The following COG2 variants were observed in gnomAD, a reference collection of about 807,000 sequenced individuals.
COG2 encodes the protein conserved oligomeric Golgi complex subunit 2.
COG2 carries 52 observed loss-of-function variants against 90.6 expected under a neutral mutation model. The ratio of observed to expected loss-of-function variants is 0.57; its 90% CI spans 0.46 to 0.72. COG2 has a LOEUF of 0.72. COG2 is among the 30% of genes least tolerant of loss of function. The probability of loss-of-function intolerance (pLI) is 0.00; values close to 1 mark genes in which losing one functional copy is unlikely to be tolerated. For synonymous variants in COG2, 337 were observed against 320.4 expected, an observed-to-expected ratio of 1.05 and a Z score of -0.55; for missense variants, 829 against 891.2, an observed-to-expected ratio of 0.93 and a Z score of 0.89.
intron 1 of COG2, among the ~76,000 whole-genome samples, chr1:230,653,583 A>G (rs192169265): frequency 8.5e-5 from 13 of 152,220 alleles, no homozygotes; most frequent in African/African-American, 1.9e-4. Flanking sequence ...TAAAGAATCA[A>G]TTCTACTAGC....
At chr1:230,692,553 G>A (rs3789657) in intron 17 of COG2, among the ~76,000 whole-genome samples, 18,748 of 152,108 alleles carry the variant, frequency 0.12, 1,325 homozygotes, top group Non-Finnish European at 0.14. Context: ...AAGAAAGTAT[G>A]TTATAGAAAC....
intron 1 of COG2, chr1:230,643,151 G>C (rs1661671119): frequency 6.5e-6 from 1 of 154,216 alleles, no homozygotes; most frequent in African/African-American, 2.4e-5. Flanking sequence ...TTCCAGAATG[G>C]GATATTTAGA....
At chr1:230,682,819 T>C (rs1196859254) in intron 10 of COG2, 1 of 152,250 alleles carries the variant, frequency 6.6e-6, no homozygotes, top group Non-Finnish European at 1.5e-5. Flanking sequence ...GCAAGAGTTA[T>C]ATAGTTAGAA....
intron 11 of COG2, 59 bp downstream of exon 11, chr1:230,683,694 A>C: frequency 8.7e-7 from 1 of 1,146,382 alleles, no homozygotes; most frequent in South Asian, 1.2e-5. Context: ...TCAGTTCACC[A>C]AGTCATCTGG....
chr1:230,684,090 CCTGA>C (rs1662826583), intron 11 of COG2, among the ~76,000 whole-genome samples: 1 of 152,036 alleles, frequency 6.6e-6, no homozygotes, highest in African/African-American at 2.4e-5. Context: ...CCACACCCAG[CCTGA>C]CTTCTTTTTT....
chr1:230,683,203 A>G (rs1662796839), intron 10 of COG2: 1 of 182,654 alleles, frequency 5.5e-6, no homozygotes, highest in South Asian at 1.1e-4. Flanking sequence ...GTTAAGATAG[A>G]TGGGTTGGAG....
At chr1:230,642,713 T>C (rs373040834) in intron 1 of COG2, 35 bp downstream of exon 1, 1 of 1,598,200 alleles carries the variant, frequency 6.3e-7, no homozygotes, top group Non-Finnish European at 8.5e-7. Flanking sequence ...AGCCGGGCCA[T>C]GAGGGTGCCT....
intron 1 of COG2, among the ~76,000 whole-genome samples, chr1:230,654,437 T>A (rs1208929671): frequency 6.6e-6 from 1 of 152,204 alleles, no homozygotes; most frequent in Admixed American, 6.5e-5. Context: ...GTGGTGTTAT[T>A]TCTGAGTCCT....
At chr1:230,689,568 G>A (rs1288963666) in intron 15 of COG2, among the ~76,000 whole-genome samples, 1 of 152,224 alleles carries the variant, frequency 6.6e-6, no homozygotes, top group Non-Finnish European at 1.5e-5. Context: ...TCAAACAGTG[G>A]TCTAGTGATC....
At chr1:230,679,136 G>A (rs1163127180) in intron 10 of COG2, 84 bp downstream of exon 10, 6 of 1,339,906 alleles carry the variant, frequency 4.5e-6, no homozygotes, top group East Asian at 4.7e-5. Context: ...CTCAGTTAGC[G>A]GCTCCTTTTC....
intron 8 of COG2, among the ~76,000 whole-genome samples, chr1:230,674,316 A>G (rs1287344909): frequency 6.6e-6 from 1 of 152,256 alleles, no homozygotes; most frequent in Admixed American, 6.5e-5. Flanking sequence ...CCCGCCCTCC[A>G]ATATCTGAAT....
chr1:230,690,948 T>G (rs1441839413), intron 16 of COG2, among the ~76,000 whole-genome samples: 1 of 152,190 alleles, frequency 6.6e-6, no homozygotes, highest in East Asian at 1.9e-4. Flanking sequence ...TGAAATACTT[T>G]TACACTCTAA....
intron 5 of COG2, among the ~76,000 whole-genome samples, chr1:230,667,031 G>C (rs970547918): frequency 6.6e-6 from 1 of 152,176 alleles, no homozygotes. Flanking sequence ...TGACCTTTCA[G>C]ATTTAGATGC....
At chr1:230,658,785 G>T (rs912694008) in intron 1 of COG2, among the ~76,000 whole-genome samples, 2 of 152,106 alleles carry the variant, frequency 1.3e-5, no homozygotes, top group Non-Finnish European at 2.9e-5. Context: ...TGGCCACAGC[G>T]GCCTTGCTGA....
intron 11 of COG2, 89 bp downstream of exon 11, chr1:230,683,724 A>T: frequency 5.4e-6 from 4 of 746,434 alleles, no homozygotes; most frequent in South Asian, 1.7e-5. Context: ...TTCTGAGCGT[A>T]CTTTTACTGT....
At chr1:230,688,169 A>G in intron 14 of COG2, 26 bp downstream of exon 14, 1 of 1,455,024 alleles carries the variant, frequency 6.9e-7, no homozygotes, top group Middle Eastern at 1.8e-4. Context: ...GACTAAGCAA[A>G]TCTTTGAATA....
rs1279105063 is a variant in COG2, at chr1:230,659,338, C to G, written c.73-126C>G. 16 of 773,642 alleles carry G rather than the reference C, an allele frequency of 2.1e-5. 1 individual carries two copies. In the South Asian group the frequency reaches 2.4e-4, roughly 11 times the overall value. The allele number at this position is 773,642 out of a possible 1,614,324, so 47.9% of individuals were successfully genotyped here. A position where few individuals can be genotyped will look rare whatever the true frequency, so the allele number is the denominator to read the frequency against. ...TGTCATGTATAAGCCAAGATACTTT[C>G]TTCCTGCAGCAGCATGGCCTTGTAA... is the stretch of plus-strand genomic sequence containing the variant. On this transcript the variant is annotated intron_variant, in intron 1 of 17. Coordinates refer to ENST00000366669, the MANE Select transcript of COG2 (RefSeq NM_007357.3).
intron 5 of COG2, among the ~76,000 whole-genome samples, chr1:230,667,227 G>A (rs1487801368): frequency 6.6e-6 from 1 of 152,136 alleles, no homozygotes; most frequent in Admixed American, 6.5e-5. Context: ...AGTGGGGAAC[G>A]GGCTTCTGAT....
intron 5 of COG2, among the ~76,000 whole-genome samples, chr1:230,666,743 C>T (rs926656810): frequency 1.3e-5 from 2 of 152,214 alleles, no homozygotes; most frequent in South Asian, 2.1e-4. Flanking sequence ...TTCACCTGCC[C>T]GATTTCTCTT....
Sources: gnomAD v4.1 joint callset for allele counts (sites outside exome capture counted in the v4.1 genomes callset) on GRCh38, gnomAD v4.1.1 for gene constraint, MANE v1.5 for transcripts, NCBI Gene and HGNC (gene_info 2026-07-23, HGNC 2026-07-21) for gene names.